B3GALT1: variants seen among roughly 807,000 people sequenced by gnomAD.
B3GALT1 encodes UDP-Gal:betaGlcNAc beta 1,3-galactosyltransferase, polypeptide 1.
In B3GALT1, 10 loss-of-function variants were observed where a neutral mutation model predicts 23.2. That is an observed-to-expected ratio of 0.43 (90% CI 0.27 to 0.73). The LOEUF is 0.73. Among genes scored for constraint, B3GALT1 ranks in the 30% least tolerant of loss-of-function variants. The pLI is 0.21. For synonymous variants in B3GALT1, 156 were observed against 141.5 expected, an observed-to-expected ratio of 1.10 and a Z score of -0.73; for missense variants, 299 against 405.4, an observed-to-expected ratio of 0.74 and a Z score of 2.25.
intron 3 of B3GALT1, among the ~76,000 whole-genome samples, chr2:167,751,256 G>A (rs1687730464): frequency 6.6e-6 from 1 of 152,150 alleles, no homozygotes; most frequent in South Asian, 2.1e-4. Flanking sequence ...AAGTGTTGTG[G>A]CTCCTTTGGA....
chr2:167,570,260 T>C (rs1295528327), intron 2 of B3GALT1, among the ~76,000 whole-genome samples: 1 of 151,916 alleles, frequency 6.6e-6, no homozygotes, highest in Non-Finnish European at 1.5e-5. Context: ...CTTAAATGTT[T>C]GGTAGAATTC....
chr2:167,348,712 T>C (rs778682035), intron 1 of B3GALT1, among the ~76,000 whole-genome samples: 1 of 152,118 alleles, frequency 6.6e-6, no homozygotes, highest in Non-Finnish European at 1.5e-5. Flanking sequence ...CCTCTCAATA[T>C]GTTCACATAT....
At chr2:167,855,845 A>AG (rs1423318467) in intron 4 of B3GALT1, among the ~76,000 whole-genome samples, 1 of 152,168 alleles carries the variant, frequency 6.6e-6, no homozygotes, top group Non-Finnish European at 1.5e-5. Context: ...ACTAAGGGAA[A>AG]GGGAAAGCAA....
intron 1 of B3GALT1, among the ~76,000 whole-genome samples, chr2:167,406,570 A>T (rs1230799872): frequency 6.6e-6 from 1 of 152,152 alleles, no homozygotes; most frequent in Non-Finnish European, 1.5e-5. Context: ...TGAGATTGAG[A>T]TGGTCAGCCG....
chr2:167,859,182 G>A (rs116307577), intron 4 of B3GALT1, among the ~76,000 whole-genome samples: 34 of 152,116 alleles, frequency 2.2e-4, no homozygotes, highest in African/African-American at 7.2e-4. Flanking sequence ...TCACATTGCC[G>A]GGCTTCTAGG....
chr2:167,506,284 A>G (rs916324652), intron 2 of B3GALT1, among the ~76,000 whole-genome samples: 1 of 152,200 alleles, frequency 6.6e-6, no homozygotes, highest in African/African-American at 2.4e-5. Context: ...CATTGTATCA[A>G]TGGCATATAA....
At chr2:167,512,715 C>G (rs930540900) in intron 2 of B3GALT1, among the ~76,000 whole-genome samples, 2 of 146,372 alleles carry the variant, frequency 1.4e-5, no homozygotes, top group Non-Finnish European at 3.0e-5. Context: ...TGGCTCACTG[C>G]AACCTACAGC....
chr2:167,831,249 C>T (rs1172817595), intron 4 of B3GALT1, among the ~76,000 whole-genome samples: 3 of 152,194 alleles, frequency 2.0e-5, no homozygotes, highest in Non-Finnish European at 2.9e-5. Context: ...AGCGCTCCCA[C>T]AGTTAGTTAT....
intron 2 of B3GALT1, among the ~76,000 whole-genome samples, chr2:167,628,920 G>C (rs1322328989): frequency 6.6e-6 from 1 of 151,594 alleles, no homozygotes; most frequent in Admixed American, 6.6e-5. Flanking sequence ...TATTTGTTCT[G>C]TGGAAGTTAC....
chr2:167,560,787 G>A (rs956362157), intron 2 of B3GALT1, among the ~76,000 whole-genome samples: 11 of 152,160 alleles, frequency 7.2e-5, no homozygotes, highest in African/African-American at 1.2e-4. Flanking sequence ...CCAATACAGG[G>A]GCACCCAGAT....
chr2:167,533,819 A>G (rs1683370940), intron 2 of B3GALT1, among the ~76,000 whole-genome samples: 1 of 152,116 alleles, frequency 6.6e-6, no homozygotes, highest in Non-Finnish European at 1.5e-5. Context: ...CATCCTTTAA[A>G]AGGTCTGGTA....
chr2:167,314,117 A>G (rs1281302072), intron 1 of B3GALT1, among the ~76,000 whole-genome samples: 1 of 152,064 alleles, frequency 6.6e-6, no homozygotes, highest in Admixed American at 6.6e-5. Context: ...TTAGCAGTGA[A>G]CATTTTCAAA....
chr2:167,641,043 C>G (rs943118297), intron 2 of B3GALT1, among the ~76,000 whole-genome samples: 1 of 152,160 alleles, frequency 6.6e-6, no homozygotes, highest in African/African-American at 2.4e-5. Context: ...CCGTTAACCT[C>G]TTCCTAATCC....
intron 3 of B3GALT1, among the ~76,000 whole-genome samples, chr2:167,712,556 T>C (rs558154649): frequency 2.6e-5 from 4 of 152,122 alleles, no homozygotes; most frequent in Non-Finnish European, 5.9e-5. Context: ...TAAGTAATGA[T>C]TTTTTAAAGT....
At position 167,702,720 on chromosome 2, in the gene B3GALT1, C is replaced by A. The variant is rs144978445; in HGVS notation, c.-352+55754C>A. Among the ~76,000 whole-genome samples the A allele has an allele frequency of 7.1e-3, 1,082 of 152,156 alleles. 15 individuals are homozygous for A. Among genetic ancestry groups the A allele is most frequent in the African/African-American group, 0.025 (1,021 of 41,506 alleles). On this transcript the variant is annotated intron_variant, in intron 3 of 4. Transcript: ENST00000392690. ...GAAGTACATTATAATAAAACGGAAA[C>A]AGTGTTACTTGATTTATAGTCCTCT... is the stretch of plus-strand genomic sequence containing the variant.
At position 167,553,732 on chromosome 2, in the gene B3GALT1, T is replaced by C. The variant is rs1417914800; in HGVS notation, c.-410+63455T>C. On this transcript the variant is annotated intron_variant, in intron 2 of 4. Coordinates refer to ENST00000392690, the MANE Select transcript of B3GALT1 (RefSeq NM_020981.4). ...TAGTGATAGAAACAAAATCTTTTTCTTGGGCACAATTTAAACTTGTAATTT... is the reference window on the plus strand; with the variant it reads ...TAGTGATAGAAACAAAATCTTTTTCCTGGGCACAATTTAAACTTGTAATTT... Among the ~76,000 whole-genome samples the C allele has an allele frequency of 5.3e-5, 8 of 152,328 alleles. No individual in the cohort carries two copies. The South Asian group carries it at 1.5e-3, about 28-fold the overall frequency.
intron 4 of B3GALT1, among the ~76,000 whole-genome samples, chr2:167,863,735 T>C (rs1250392784): frequency 6.6e-6 from 1 of 152,226 alleles, no homozygotes; most frequent in African/African-American, 2.4e-5. Context: ...GAAATCTGTT[T>C]GGTTATAAGC....
At chr2:167,333,173 A>T (rs1199982647) in intron 1 of B3GALT1, among the ~76,000 whole-genome samples, 2 of 152,348 alleles carry the variant, frequency 1.3e-5, no homozygotes, top group South Asian at 2.1e-4. Flanking sequence ...AAAACAAAAG[A>T]GGAGACAACA....
At chr2:167,296,475 A>G (rs1189655447) in intron 1 of B3GALT1, among the ~76,000 whole-genome samples, 1 of 152,118 alleles carries the variant, frequency 6.6e-6, no homozygotes, top group Non-Finnish European at 1.5e-5. Context: ...TGTCTCTTTC[A>G]GTCTGTCTCT....
Sources: gnomAD v4.1 joint callset for allele counts (sites outside exome capture counted in the v4.1 genomes callset) on GRCh38, gnomAD v4.1.1 for gene constraint, MANE v1.5 for transcripts, NCBI Gene and HGNC (gene_info 2026-07-23, HGNC 2026-07-21) for gene names.